Variants in KCNN2 observed in about 807,000 individuals in gnomAD.
KCNN2 encodes the protein small conductance calcium-activated potassium channel protein 2.
In KCNN2, 24 loss-of-function variants were observed where a neutral mutation model predicts 55.5. The ratio of observed to expected loss-of-function variants is 0.43; its 90% CI spans 0.31 to 0.61. KCNN2 has a LOEUF of 0.61. Ranked by LOEUF, KCNN2 falls within the 20% of genes least tolerant of loss-of-function variation. The probability of loss-of-function intolerance (pLI) is 0.08; values close to 1 mark genes in which losing one functional copy is unlikely to be tolerated. For missense variants in KCNN2, 754 were observed against 853.6 expected (o/e 0.88, Z 1.45); for synonymous variants, 431 against 336.1 (o/e 1.28, Z -3.09).
chr5:114,457,623 G>A (rs972308874), intron 3 of KCNN2, among the ~76,000 whole-genome samples: 8 of 152,096 alleles, frequency 5.3e-5, no homozygotes, highest in Non-Finnish European at 1.2e-4. Context: ...TCACATAGAT[G>A]AGTTTTCAGC....
At chr5:114,149,602 C>A (rs1006937677) in intron 1 of KCNN2, among the ~76,000 whole-genome samples, 1 of 152,046 alleles carries the variant, frequency 6.6e-6, no homozygotes, top group Non-Finnish European at 1.5e-5. Context: ...GAGATGGTCA[C>A]ATGGGAATGA....
At chr5:114,409,939 C>T (rs1056755967) in intron 3 of KCNN2, among the ~76,000 whole-genome samples, 1 of 152,084 alleles carries the variant, frequency 6.6e-6, no homozygotes, top group African/African-American at 2.4e-5. Flanking sequence ...AGCATTATTT[C>T]TGTGGCCTAC....
intron 2 of KCNN2, among the ~76,000 whole-genome samples, chr5:114,251,574 G>C (rs569377147): frequency 6.6e-6 from 1 of 152,072 alleles, no homozygotes; most frequent in African/African-American, 2.4e-5. Context: ...CTGTTCAATA[G>C]AATAAAGGAC....
At chr5:114,270,830 T>G (rs776547118) in intron 2 of KCNN2, among the ~76,000 whole-genome samples, 1 of 152,172 alleles carries the variant, frequency 6.6e-6, no homozygotes, top group Non-Finnish European at 1.5e-5. Flanking sequence ...AAGGATGGTG[T>G]GTCCGCAGTT....
chr5:114,183,074 T>C (rs1174107234), intron 1 of KCNN2, among the ~76,000 whole-genome samples: 1 of 152,132 alleles, frequency 6.6e-6, no homozygotes, highest in African/African-American at 2.4e-5. Flanking sequence ...ATTTTATTTT[T>C]AATCATGAAC....
intron 1 of KCNN2, among the ~76,000 whole-genome samples, chr5:114,147,237 C>T (rs1442706764): frequency 6.6e-6 from 1 of 152,108 alleles, no homozygotes; most frequent in East Asian, 1.9e-4. Context: ...GTTTCGTAGA[C>T]ATTGAAAGAA....
intron 1 of KCNN2, among the ~76,000 whole-genome samples, chr5:114,144,944 G>A (rs1180934234): frequency 6.6e-6 from 1 of 152,084 alleles, no homozygotes; most frequent in Non-Finnish European, 1.5e-5. Context: ...TTTTGGCTGT[G>A]TGGAAATAGT....
chr5:114,189,794 C>T (rs953394428), intron 1 of KCNN2, among the ~76,000 whole-genome samples: 2 of 152,178 alleles, frequency 1.3e-5, no homozygotes. Flanking sequence ...GAAAGATACG[C>T]ACACATACAT....
intron 1 of KCNN2, among the ~76,000 whole-genome samples, chr5:114,209,811 A>G (rs1683206671): frequency 6.6e-6 from 1 of 152,200 alleles, no homozygotes; most frequent in African/African-American, 2.4e-5. Flanking sequence ...ATGAAATGTC[A>G]CATCTAATTT....
At chr5:114,135,718 A>G (rs1158292072) in intron 1 of KCNN2, among the ~76,000 whole-genome samples, 2 of 152,218 alleles carry the variant, frequency 1.3e-5, no homozygotes, top group Non-Finnish European at 2.9e-5. Context: ...AAATACAGAA[A>G]TTAAACAAAA....
intron 1 of KCNN2, among the ~76,000 whole-genome samples, chr5:114,151,636 A>G (rs1243973072): frequency 6.6e-6 from 1 of 152,212 alleles, no homozygotes; most frequent in Non-Finnish European, 1.5e-5. Flanking sequence ...TCCTTCAAAT[A>G]AAAGGTTAGT....
At chr5:114,065,099 G>T (rs951723150) in intron 1 of KCNN2, among the ~76,000 whole-genome samples, 5 of 152,172 alleles carry the variant, frequency 3.3e-5, no homozygotes, top group Non-Finnish European at 7.3e-5. Flanking sequence ...CAAGTGAGTG[G>T]TGTCACTTGT....
chr5:114,479,136 G>C (rs578051889), intron 5 of KCNN2, among the ~76,000 whole-genome samples: 21 of 151,980 alleles, frequency 1.4e-4, no homozygotes, highest in African/African-American at 5.1e-4. Flanking sequence ...CCATCAGTGT[G>C]CTGTCTTCAA....
At chr5:114,350,828 T>G (rs1271384247) in intron 2 of KCNN2, among the ~76,000 whole-genome samples, 1 of 151,926 alleles carries the variant, frequency 6.6e-6, no homozygotes, top group Admixed American at 6.6e-5. Context: ...ATCTATGTTA[T>G]GCCATTACCA....
At chr5:114,182,500 C>G (rs2112554685) in intron 1 of KCNN2, among the ~76,000 whole-genome samples, 1 of 152,134 alleles carries the variant, frequency 6.6e-6, no homozygotes, top group East Asian at 1.9e-4. Flanking sequence ...CTTCCAACCA[C>G]TAACATTATA....
At chr5:114,420,676 C>A (rs1181669400) in intron 3 of KCNN2, among the ~76,000 whole-genome samples, 3 of 152,174 alleles carry the variant, frequency 2.0e-5, no homozygotes, top group Non-Finnish European at 4.4e-5. Flanking sequence ...ATATCAGAGA[C>A]AATGCCATGG....
intron 1 of KCNN2, among the ~76,000 whole-genome samples, chr5:114,205,313 C>T (rs1433288156): frequency 1.3e-5 from 2 of 152,206 alleles, no homozygotes; most frequent in Admixed American, 1.3e-4. Flanking sequence ...GTTTACTGGG[C>T]TACTTTACAG....
At chr5:114,343,611 G>A (rs925532730) in intron 2 of KCNN2, among the ~76,000 whole-genome samples, 1 of 152,046 alleles carries the variant, frequency 6.6e-6, no homozygotes, top group Non-Finnish European at 1.5e-5. Flanking sequence ...AAGTCAGAGT[G>A]GCAGAAAGAA....
chr5:114,109,685 A>G (rs1751555774), intron 1 of KCNN2, among the ~76,000 whole-genome samples: 1 of 152,066 alleles, frequency 6.6e-6, no homozygotes, highest in Non-Finnish European at 1.5e-5. Context: ...AGAAAGTCCA[A>G]TTACAGTGCA....
Sources: allele counts gnomAD v4.1 joint callset (sites outside exome capture counted in the v4.1 genomes callset), GRCh38; gene constraint gnomAD v4.1.1; transcripts MANE v1.5; gene names NCBI Gene and HGNC (gene_info 2026-07-23, HGNC 2026-07-21).